The following CAPZA2 variants were observed in gnomAD, a reference collection of about 807,000 sequenced individuals.
The protein encoded by CAPZA2 is capping actin protein of muscle Z-line subunit alpha 2, also known as F-actin-capping protein subunit alpha-2.
CAPZA2 carries 13 observed loss-of-function variants against 44.0 expected under a neutral mutation model. That is an observed-to-expected ratio of 0.30 (90% CI 0.19 to 0.47). The LOEUF (loss-of-function observed/expected upper bound fraction) is 0.47, where lower values mean the gene tolerates loss of function less well. CAPZA2 is among the 20% of genes least tolerant of loss of function. The pLI is 1.00. For synonymous variants in CAPZA2, 94 were observed against 108.2 expected, an observed-to-expected ratio of 0.87 and a Z score of 0.81; for missense variants, 244 against 338.6, an observed-to-expected ratio of 0.72 and a Z score of 2.19.
At position 116,898,831 on chromosome 7, in the gene CAPZA2, A is replaced by G; in HGVS notation, c.215A>G (p.Asp72Gly). The G allele has an allele frequency of 6.4e-7, 1 of 1,570,674 alleles. No individual in the cohort carries two copies. Among genetic ancestry groups the G allele is most frequent in the Non-Finnish European group, 8.7e-7 (1 of 1,143,548 alleles). ...FTPVKIEGYE[D>G]QVLITEHGDL... ...CCAGTAAAAATTGAAGGTTATGAAG[A>G]TCAGGTATGTTTCATATAAACACTA... is the stretch of plus-strand genomic sequence containing the variant. The change falls in exon 4 of 10, where the codon GAT becomes GGT. Residue 72 changes from aspartate to glycine, a missense_variant. Transcript: ENST00000361183.
chr7:116,884,410 C>G (rs1368587943), intron 1 of CAPZA2, among the ~76,000 whole-genome samples: 2 of 152,158 alleles, frequency 1.3e-5, no homozygotes, highest in African/African-American at 4.8e-5. Context: ...TGTAGTCAAA[C>G]TCTTCCCCTT....
Position 116,910,283 on chromosome 7 carries a change from C to T in CAPZA2, c.557C>T (p.Thr186Ile). 3.8e-6 allele frequency: 6 copies of T among 1,596,518 alleles called. No individual in the cohort carries two copies. The highest frequency in any genetic ancestry group is 5.2e-6 in the Non-Finnish European group (6 of 1,164,104). ...EWKFTITPST[T>I]QVVGILKIQV... ...AAGTTTACAATCACTCCTTCAACCA[C>T]TCAAGTGGTTGGCATCTTGAAAATT... The change falls in exon 7 of 10, where the codon ACT (threonine) becomes ATT (isoleucine). Residue 186 changes from threonine to isoleucine, a missense_variant. By Grantham distance (89) the Thr-to-Ile change is moderately conservative (BLOSUM62 -1). Coordinates refer to ENST00000361183, the MANE Select transcript of CAPZA2 (RefSeq NM_006136.3).
intron 8 of CAPZA2, among the ~76,000 whole-genome samples, chr7:116,913,245 T>G (rs1031287080): frequency 3.3e-5 from 5 of 152,210 alleles, no homozygotes; most frequent in Non-Finnish European, 5.9e-5. Context: ...ACTTTCTTGA[T>G]GATATTGTTT....
intron 3 of CAPZA2, among the ~76,000 whole-genome samples, chr7:116,898,212 A>G (rs1466038743): frequency 6.6e-6 from 1 of 151,972 alleles, no homozygotes; most frequent in Non-Finnish European, 1.5e-5. Context: ...ACAGTTATTA[A>G]GAAATTACCC....
intron 1 of CAPZA2, among the ~76,000 whole-genome samples, chr7:116,884,901 CA>C (rs2115910806): frequency 6.6e-6 from 1 of 152,262 alleles, no homozygotes; most frequent in South Asian, 2.1e-4. Flanking sequence ...GCATCCTCAC[CA>C]GCACTGGGTG....
rs527568883 is a variant in CAPZA2 at position 116,865,320 on chromosome 7, G to C, written c.39+2670G>C. On this transcript the variant is annotated intron_variant, in intron 1 of 9. Transcript: ENST00000361183. Reference sequence around the variant, plus strand: ...TCTGCCTCAGCCTCCCGAGTAGCTGGGATAACTGGCACATGCCACCATGCC... The same window carrying C: ...TCTGCCTCAGCCTCCCGAGTAGCTGCGATAACTGGCACATGCCACCATGCC... 2.1e-3 allele frequency among the ~76,000 whole-genome samples: 318 copies of C among 151,394 alleles called. 1 individual carries two copies. The highest frequency in any genetic ancestry group is 2.0e-3 in the Non-Finnish European group (138 of 67,892).
At chr7:116,910,417 G>A in intron 7 of CAPZA2, 106 bp downstream of exon 7, 1 of 636,236 alleles carries the variant, frequency 1.6e-6, no homozygotes, top group South Asian at 1.9e-5. Context: ...TTCTTTTTCA[G>A]GTCTTTGTTT....
chr7:116,870,961 G>C (rs924298166), intron 1 of CAPZA2, among the ~76,000 whole-genome samples: 3 of 152,160 alleles, frequency 2.0e-5, no homozygotes, highest in Non-Finnish European at 1.5e-5. Flanking sequence ...TTGGTTGTAC[G>C]GAGTTTGAGA....
chr7:116,894,174 C>T (rs553879508), intron 3 of CAPZA2, among the ~76,000 whole-genome samples: 54 of 152,056 alleles, frequency 3.6e-4, no homozygotes, highest in African/African-American at 1.3e-3. Flanking sequence ...CCATCCTGAC[C>T]AACATGGTGA....
chr7:116,914,021 G>T (rs916908976), intron 8 of CAPZA2, among the ~76,000 whole-genome samples: 124 of 147,386 alleles, frequency 8.4e-4, no homozygotes, highest in Non-Finnish European at 1.5e-3. Context: ...AGATATTAAA[G>T]AAAATTTTTT....
intron 3 of CAPZA2, among the ~76,000 whole-genome samples, chr7:116,898,118 C>T (rs763935691): frequency 6.6e-6 from 1 of 152,066 alleles, no homozygotes; most frequent in Non-Finnish European, 1.5e-5. Flanking sequence ...TTTGCTCATA[C>T]GGTCACTCTG....
chr7:116,910,980 G>A, intron 7 of CAPZA2, among the ~76,000 whole-genome samples: 1 of 110,170 alleles, frequency 9.1e-6, no homozygotes, highest in Admixed American at 1.2e-4. Context: ...GACAGAACAA[G>A]ACTCCGTCTC....
In CAPZA2 at chr7:116,888,131, G is replaced by T. The variant is rs766695426; in HGVS notation, c.44G>T (p.Arg15Leu). 6.2e-7 allele frequency: 1 copy of T among 1,608,190 alleles called. No individual in the cohort carries two copies. The highest frequency in any genetic ancestry group is 1.1e-5 in the South Asian group (1 of 90,848). ...EEQLSDEEKV[R>L]IAAKFIIHAP... ...ATATCTTTCTTTCTGTTTCAGGTGC[G>T]TATAGCAGCAAAATTCATCATTCAT... The change falls in exon 2 of 10, where the codon CGT becomes CTT. Residue 15 changes from arginine to leucine, a missense_variant. Coordinates refer to ENST00000361183, the MANE Select transcript of CAPZA2 (RefSeq NM_006136.3).
chr7:116,871,233 T>G (rs1425852016), intron 1 of CAPZA2, among the ~76,000 whole-genome samples: 1 of 152,152 alleles, frequency 6.6e-6, no homozygotes, highest in Non-Finnish European at 1.5e-5. Context: ...GAGGTCGAAG[T>G]GTTACCTACT....
intron 3 of CAPZA2, among the ~76,000 whole-genome samples, chr7:116,894,440 A>T (rs1199826035): frequency 6.6e-6 from 1 of 152,198 alleles, no homozygotes; most frequent in African/African-American, 2.4e-5. Flanking sequence ...TAAAAAATAA[A>T]AAATGGCCTT....
At position 116,880,227 on chromosome 7, in the gene CAPZA2, GT is replaced by G. The variant is rs528696419; in HGVS notation, c.40-7897del. On this transcript the variant is annotated intron_variant, in intron 1 of 9. Transcript: ENST00000361183. ...TTATTATAAAGTCTAAACTAGAACA[GT>G]TTATTTTTGAGTTTCAAAAATCATG... 2.3e-3 allele frequency: 821 copies of G among 362,382 alleles called. 6 individuals are homozygous for G. The highest frequency in any genetic ancestry group is 0.016 in the African/African-American group (726 of 46,526). The allele number at this position is 362,382 out of a possible 1,614,324, so 22.4% of individuals were successfully genotyped here. A position where few individuals can be genotyped will look rare whatever the true frequency, so the allele number is the denominator to read the frequency against.
At chr7:116,878,882 C>T (rs1302069974) in intron 1 of CAPZA2, among the ~76,000 whole-genome samples, 3 of 152,082 alleles carry the variant, frequency 2.0e-5, no homozygotes, top group Non-Finnish European at 4.4e-5. Context: ...AATCCCAGCA[C>T]TTTGGGAGGC....
At position 116,865,680 on chromosome 7, in the gene CAPZA2, A is replaced by C. The variant is rs578166610; in HGVS notation, c.39+3030A>C. ...CAGCCTCAACTTCCTGGGCTCAAGC[A>C]GTCCTCTCACCTCAGTCTCCCCAAG... On this transcript the variant is annotated intron_variant, in intron 1 of 9. Coordinates refer to ENST00000361183, the MANE Select transcript of CAPZA2 (RefSeq NM_006136.3). Among the ~76,000 whole-genome samples the C allele has an allele frequency of 2.6e-5, 4 of 152,230 alleles. No homozygotes were observed. The South Asian group carries it at 8.3e-4, about 32-fold the overall frequency.
chr7:116,863,629 C>T (rs1796446004), intron 1 of CAPZA2, among the ~76,000 whole-genome samples: 1 of 152,158 alleles, frequency 6.6e-6, no homozygotes, highest in Admixed American at 6.5e-5. Flanking sequence ...GGGGAGAACC[C>T]TGCTAATTTT....
Sources: allele counts gnomAD v4.1 joint callset (sites outside exome capture counted in the v4.1 genomes callset), GRCh38; gene constraint gnomAD v4.1.1; transcripts MANE v1.5; gene names NCBI Gene and HGNC (gene_info 2026-07-23, HGNC 2026-07-21).